AIFM2: variants seen among roughly 807,000 people sequenced by gnomAD.
AIFM2 encodes the protein ferroptosis suppressor protein 1.
AIFM2 carries 38 observed loss-of-function variants against 35.7 expected under a neutral mutation model. The observed-to-expected ratio is 1.06, with a 90% CI of 0.82 to 1.39. The LOEUF (loss-of-function observed/expected upper bound fraction) is 1.39. Among genes scored for constraint, AIFM2 ranks in the 40% most tolerant of loss-of-function variants. AIFM2 has a pLI of 0.00. For synonymous variants in AIFM2, 185 were observed against 203.5 expected (o/e 0.91, Z 0.77); for missense variants, 476 against 491.2 (o/e 0.97, Z 0.29).
At chr10:70,122,110 T>A (rs4746963) in intron 3 of AIFM2, among the ~76,000 whole-genome samples, 78,998 of 151,760 alleles carry the variant, frequency 0.52, 20,717 homozygotes, top group East Asian at 0.61. Context: ...ATTAAAAAAA[T>A]TTTTTTTTAA....
chr10:70,116,105 C>G (rs1564551084), intron 7 of AIFM2, among the ~76,000 whole-genome samples: 4 of 152,304 alleles, frequency 2.6e-5, no homozygotes, highest in South Asian at 4.1e-4. Flanking sequence ...CTCCTGCTCA[C>G]AAATGGAGGC....
rs544407759 is a variant in AIFM2, at chr10:70,124,965, C to T, written c.-13-868G>A. Among the ~76,000 whole-genome samples the T allele has an allele frequency of 5.9e-5, 9 of 152,266 alleles. No homozygotes were observed. The East Asian group carries it at 1.2e-3, about 20-fold the overall frequency. The stretch of plus-strand genomic sequence containing the variant: ...CCTAATCGGAGGTGTTTGGGTCATA[C>T]GGTCTCCACCCTCATGAATGGATTA... On this transcript the variant is annotated intron_variant, in intron 1 of 8. Coordinates refer to ENST00000307864, the MANE Select transcript of AIFM2 (RefSeq NM_032797.6).
chr10:70,123,022 C>CT (rs934585781), intron 3 of AIFM2, among the ~76,000 whole-genome samples: 19 of 151,952 alleles, frequency 1.3e-4, no homozygotes, highest in Non-Finnish European at 2.6e-4. Flanking sequence ...ACAGCATTCT[C>CT]TTTTTTTTAT....
In AIFM2 at chr10:70,114,943, C is replaced by T. The variant is rs750119679; in HGVS notation, c.947G>A (p.Arg316Gln). 26 of 1,613,964 alleles carry T rather than the reference C, an allele frequency of 1.6e-5. No individual in the cohort carries two copies. Among genetic ancestry groups the T allele is most frequent in the Middle Eastern group, 3.3e-4 (2 of 6,084 alleles). ...ACCCGGCTTGTAGGCCTGGAGAGGC[C>T]GCTGCTTCACAGAGTTGACGATGTT... ...VANIVNSVKQ[R>Q]PLQAYKPGAL... The change falls in exon 8 of 9, where the codon CGG becomes CAG. Residue 316 changes from arginine (R) to glutamine (Q), a missense_variant. Physicochemically the swap from Arg to Gln is conservative, Grantham distance 43. Coordinates refer to ENST00000307864, the MANE Select transcript of AIFM2 (RefSeq NM_032797.6).
In AIFM2 at chr10:70,117,856, T is replaced by C; in HGVS notation, c.572A>G (p.Glu191Gly). 6.2e-7 allele frequency: 1 copy of C among 1,605,044 alleles called. No individual in the cohort carries two copies. The highest frequency in any genetic ancestry group is 8.5e-7 in the Non-Finnish European group (1 of 1,176,692). ...DKELLPSVRQEVKEILLRKGV... is the reference protein window; with the variant it reads ...DKELLPSVRQGVKEILLRKGV... ...CTTCCGGAGGAGGATCTCCTTCACT[T>C]CCTGCCGGACGGAGGGCAGGAGCTC... Residue 191 changes from glutamate (E) to glycine (G), a missense_variant, in exon 6 of 9, where the codon GAA (glutamate) becomes GGA (glycine). Physicochemically the swap from Glu to Gly is moderately conservative, Grantham distance 98. Coordinates refer to ENST00000307864, the MANE Select transcript of AIFM2 (RefSeq NM_032797.6). This position sits in a 1 kb window ranked among gnomAD's most constrained non-coding sequence, Gnocchi z 4.7.
rs565894728 is a variant in AIFM2, at chr10:70,131,126, G to A, written c.-14+1608C>T. On this transcript the variant is annotated intron_variant, in intron 1 of 8. Transcript: ENST00000307864. The surrounding 1 kb of genome is among the most constrained non-coding windows in gnomAD (Gnocchi z 4.1). ...CCTCAGAAGACACACAGCAGGAACC[G>A]TGTGGGCTCTGATCAAAGCAAGAAT... 2.3e-4 allele frequency among the ~76,000 whole-genome samples: 35 copies of A among 152,318 alleles called. No individual in the cohort carries two copies. The South Asian group carries it at 6.6e-3, about 29-fold the overall frequency.
rs1453182516 is a variant in AIFM2 at position 70,120,581 on chromosome 10, T to G, written c.433A>C (p.Ile145Leu). 1.2e-6 allele frequency: 2 copies of G among 1,613,966 alleles called. No homozygotes were observed. The change falls in exon 5 of 9, where the codon ATC becomes CTC. Residue 145 changes from isoleucine (I) to leucine (L), a missense_variant. Physicochemically the swap from Ile to Leu is conservative, Grantham distance 5. Coordinates refer to ENST00000307864, the MANE Select transcript of AIFM2 (RefSeq NM_032797.6). ...GCCGAGCCTCCTCCCACCACCACGA[T>G]GAACCGTGAGCGCTGGACCTGGAGA... ...MVRQVQRSRF[I>L]VVVGGGSAGV...
At chr10:70,127,392 A>C (rs1054431987) in intron 1 of AIFM2, among the ~76,000 whole-genome samples, 2 of 152,200 alleles carry the variant, frequency 1.3e-5, no homozygotes, top group Non-Finnish European at 2.9e-5. Context: ...CCTGAAAAAG[A>C]GCTGAGATCA....
chr10:70,123,809 GC>G (rs907662189), intron 2 of AIFM2, 97 bp downstream of exon 2: 1 of 1,288,072 alleles, frequency 7.8e-7, no homozygotes, highest in African/African-American at 1.5e-5. Flanking sequence ...CAGGCACTTG[GC>G]CCTAAATGGA....
Position 70,124,046 on chromosome 10 carries a change from G to T in AIFM2, c.39C>A (p.His13Gln). The T allele has an allele frequency of 6.3e-7, 1 of 1,597,250 alleles. No homozygotes were observed. Among genetic ancestry groups the T allele is most frequent in the Non-Finnish European group, 8.5e-7 (1 of 1,171,086 alleles). ...CAAAGCCCCCACCCACAATCACCAC[G>T]TGCAGAGCTCCCGATTCCACCGAGA... ...SQVSVESGAL[H>Q]VVIVGGGFGG... is the part of the protein sequence containing the mutation. Residue 13 changes from histidine (H) to glutamine (Q), a missense_variant, in exon 2 of 9, where the codon CAC (histidine) becomes CAA (glutamine). Coordinates refer to ENST00000307864, the MANE Select transcript of AIFM2 (RefSeq NM_032797.6).
intron 1 of AIFM2, among the ~76,000 whole-genome samples, chr10:70,127,693 C>G (rs1353759833): frequency 6.6e-6 from 1 of 152,182 alleles, no homozygotes; most frequent in Non-Finnish European, 1.5e-5. Context: ...CCCTTGACCC[C>G]CAGGCCCCTA....
chr10:70,115,046 C>T lies in AIFM2; in HGVS notation c.844G>A (p.Ala282Thr), dbSNP rs151190502. ...CTCACGTCGGCACAGTCACCAATGGCGTAGACGTTGCTGTGGCCCTCCACC... is the reference window on the plus strand; with the variant it reads ...CTCACGTCGGCACAGTCACCAATGGTGTAGACGTTGCTGTGGCCCTCCACC... ...LQVEGHSNVY[A>T]IGDCADVRTP... The change falls in exon 8 of 9, where the codon GCC (alanine) becomes ACC (threonine). Residue 282 changes from alanine (A) to threonine (T), a missense_variant. Coordinates refer to ENST00000307864, the MANE Select transcript of AIFM2 (RefSeq NM_032797.6). The T allele has an allele frequency of 9.1e-5, 147 of 1,614,206 alleles. No individual in the cohort carries two copies. The highest frequency in any genetic ancestry group is 6.3e-4 in the South Asian group (57 of 91,078).
At chr10:70,122,161 A>G (rs1012786452) in intron 3 of AIFM2, among the ~76,000 whole-genome samples, 3 of 152,240 alleles carry the variant, frequency 2.0e-5, no homozygotes, top group African/African-American at 7.2e-5. Flanking sequence ...TCTTGTTTGG[A>G]GCCTAAATAT....
intron 1 of AIFM2, among the ~76,000 whole-genome samples, chr10:70,125,937 G>A (rs1284159489): frequency 1.3e-5 from 2 of 152,188 alleles, no homozygotes; most frequent in Admixed American, 1.3e-4. Flanking sequence ...GGGCCCTACA[G>A]CAGCAAAGTT....
chr10:70,124,856 G>A (rs2072548001), intron 1 of AIFM2, among the ~76,000 whole-genome samples: 1 of 152,192 alleles, frequency 6.6e-6, no homozygotes, highest in Non-Finnish European at 1.5e-5. Context: ...AGGTCAATTA[G>A]CAGGTTACGA....
chr10:70,118,782 C>T (rs112978719), intron 5 of AIFM2, among the ~76,000 whole-genome samples: 3,053 of 152,192 alleles, frequency 0.02, 43 homozygotes, highest in Non-Finnish European at 0.03. Flanking sequence ...TCCTCATTGC[C>T]GGTTCTTGAT....
intron 1 of AIFM2, among the ~76,000 whole-genome samples, chr10:70,130,524 C>T (rs1413784593): frequency 6.6e-6 from 1 of 152,142 alleles, no homozygotes; most frequent in African/African-American, 2.4e-5. Flanking sequence ...AAAAACAGTC[C>T]ATTACTGGTG....
chr10:70,132,204 T>C (rs1040387826), intron 1 of AIFM2, among the ~76,000 whole-genome samples: 2 of 152,216 alleles, frequency 1.3e-5, no homozygotes, highest in Non-Finnish European at 2.9e-5. Context: ...ACCCAGGGCT[T>C]CGGGAAGGGA....
intron 3 of AIFM2, among the ~76,000 whole-genome samples, chr10:70,122,041 G>A (rs10999149): frequency 5.9e-5 from 9 of 152,056 alleles, no homozygotes; most frequent in Middle Eastern, 3.4e-3. Flanking sequence ...GTGGTGACCC[G>A]AGACCATGCC....
Sources: gnomAD v4.1 joint callset for allele counts (sites outside exome capture counted in the v4.1 genomes callset) on GRCh38, gnomAD v4.1.1 for gene constraint, Gnocchi (gnomAD v3.1) non-coding constraint, MANE v1.5 for transcripts, NCBI Gene and HGNC (gene_info 2026-07-23, HGNC 2026-07-21) for gene names.